The following GPR132 variants were observed in gnomAD, a reference collection of about 807,000 sequenced individuals.
The protein encoded by GPR132 is G protein-coupled receptor 132.
In GPR132, 4 loss-of-function variants were observed where a neutral mutation model predicts 1.9. The ratio of observed to expected loss-of-function variants is 2.13; its 90% CI spans 1.05 to 4.87. GPR132 has a LOEUF of 4.87. GPR132 is among the 30% of genes most tolerant of loss of function. GPR132 has a pLI of 0.01. For missense variants in GPR132, 404 were observed against 512.5 expected (o/e 0.79, Z 2.04); for synonymous variants, 233 against 234.2 (o/e 0.99, Z 0.05).
rs946760952 is a variant in GPR132 at position 105,060,320 on chromosome 14, G to A, written c.-860-3040C>T. 1.3e-5 allele frequency among the ~76,000 whole-genome samples: 2 copies of A among 152,206 alleles called. No individual in the cohort carries two copies. The highest frequency in any genetic ancestry group is 2.4e-5 in the African/African-American group (1 of 41,466). The stretch of plus-strand genomic sequence containing the variant: ...GGAAGCAGTGAGCCGGAACCAGGAG[G>A]GCCAAGGAAGGCAGACCCCCAGCCA... On this transcript the variant is annotated intron_variant, in intron 1 of 3. Coordinates refer to ENST00000329797, the MANE Select transcript of GPR132 (RefSeq NM_013345.4). This position sits in a 1 kb window ranked among gnomAD's most constrained non-coding sequence, Gnocchi z 6.3.
rs558574311 is a variant in GPR132 at position 105,056,327 on chromosome 14, A to G, written c.-746-161T>C. On this transcript the variant is annotated intron_variant, in intron 2 of 3. Coordinates refer to ENST00000329797, the MANE Select transcript of GPR132 (RefSeq NM_013345.4). This position sits in a 1 kb window ranked among gnomAD's most constrained non-coding sequence, Gnocchi z 6.0. Reference sequence around the variant, plus strand: ...TTTGCACTCACTGTTCTTCACCCAGATGGCTCTTTTCCCATCAAACGAGTG... The same window carrying G: ...TTTGCACTCACTGTTCTTCACCCAGGTGGCTCTTTTCCCATCAAACGAGTG... Among the ~76,000 whole-genome samples the G allele has an allele frequency of 6.6e-6, 1 of 152,186 alleles. No homozygotes were observed. The highest frequency in any genetic ancestry group is 1.9e-4 in the East Asian group (1 of 5,172).
chr14:105,060,936 C>A lies in GPR132; in HGVS notation c.-860-3656G>T, dbSNP rs1886925348. 6.6e-6 allele frequency among the ~76,000 whole-genome samples: 1 copy of A among 152,238 alleles called. No homozygotes were observed. The highest frequency in any genetic ancestry group is 2.1e-4 in the South Asian group (1 of 4,836). On this transcript the variant is annotated intron_variant, in intron 1 of 3. Transcript: ENST00000329797. This position sits in a 1 kb window ranked among gnomAD's most constrained non-coding sequence, Gnocchi z 6.3. The stretch of plus-strand genomic sequence containing the variant: ...CAGCGAGGCCCCTCTGGGATCCAGG[C>A]CTGTATGTTGAGAGCAGAGACTAGC...
In GPR132 at chr14:105,051,464, T is replaced by G. The variant is rs1372792405; in HGVS notation, c.673A>C (p.Ser225Arg). The part of the protein sequence containing the change: ...IAFTNHRIFR[S>R]IKQSMGLSAA... ...CTTAAGCCCATGCTCTGCTTGATGC[T>G]CCTGAAAATCCGGTGGTTGGTGAAG... is the stretch of plus-strand genomic sequence containing the variant. Residue 225 changes from serine (S) to arginine (R), a missense_variant, in exon 4 of 4, where the codon AGC (serine) becomes CGC (arginine). Ser to Arg is a moderately radical substitution (Grantham distance 110, BLOSUM62 -1). Transcript: ENST00000329797. The surrounding 1 kb of genome is among the most constrained non-coding windows in gnomAD (Gnocchi z 8.0). 6.2e-7 allele frequency: 1 copy of G among 1,614,034 alleles called. No individual in the cohort carries two copies. The highest frequency in any genetic ancestry group is 8.5e-7 in the Non-Finnish European group (1 of 1,180,018).
At chr14:105,054,565 G>C (rs1342884497) in intron 3 of GPR132, 1 of 236,762 alleles carries the variant, frequency 4.2e-6, no homozygotes, top group Non-Finnish European at 6.9e-6. Context: ...CGAGTAGCTG[G>C]GACTACAGGC....
At chr14:105,052,890 C>T (rs1886688822) in intron 3 of GPR132, among the ~76,000 whole-genome samples, 1 of 150,008 alleles carries the variant, frequency 6.7e-6, no homozygotes, top group African/African-American at 2.4e-5. Context: ...ACCCAGGAGG[C>T]GGAGGTTGCA....
intron 3 of GPR132, chr14:105,054,298 C>A (rs1886727603): frequency 9.4e-7 from 1 of 1,069,502 alleles, no homozygotes; most frequent in African/African-American, 1.7e-5. Flanking sequence ...AGGAACCTTC[C>A]ACATGCAAAT....
At position 105,060,119 on chromosome 14, in the gene GPR132, C is replaced by T. The variant is rs534270488; in HGVS notation, c.-860-2839G>A. On this transcript the variant is annotated intron_variant, in intron 1 of 3. Transcript: ENST00000329797. This position sits in a 1 kb window ranked among gnomAD's most constrained non-coding sequence, Gnocchi z 6.3. ...CCCCTGAGTGGAGATGGTGGGGCAG[C>T]GCTGAGGGTCTTCAGACTCTCCCTC... Among the ~76,000 whole-genome samples, 4 of 152,322 alleles carry T rather than the reference C, an allele frequency of 2.6e-5. No individual in the cohort carries two copies. The highest frequency in any genetic ancestry group is 7.2e-5 in the African/African-American group (3 of 41,584).
chr14:105,055,580 C>T lies in GPR132; in HGVS notation c.-160G>A. 1.5e-6 allele frequency: 1 copy of T among 686,646 alleles called. No homozygotes were observed. The highest frequency in any genetic ancestry group is 2.7e-6 in the Non-Finnish European group (1 of 371,152). The allele number at this position is 686,646 out of a possible 1,614,324, so 42.5% of individuals were successfully genotyped here. A position where few individuals can be genotyped will look rare whatever the true frequency, so the allele number is the denominator to read the frequency against. On this transcript the variant is annotated 5_prime_UTR_variant, in exon 3 of 4. Transcript: ENST00000329797. This position sits in a 1 kb window ranked among gnomAD's most constrained non-coding sequence, Gnocchi z 4.7. The stretch of plus-strand genomic sequence containing the variant: ...TGCGCTGGGCTCCCCTGTCACCTCC[C>T]CACGTGGGTGGGCATCTCTGCGTGT...
chr14:105,050,923 G>C lies in GPR132; in HGVS notation c.*71C>G. 7.2e-7 allele frequency: 1 copy of C among 1,394,522 alleles called. No homozygotes were observed. Among genetic ancestry groups the C allele is most frequent in the Non-Finnish European group, 1.0e-6 (1 of 1,002,428 alleles). 86.4% of individuals were successfully genotyped at this position (1,394,522 alleles called of 1,614,324 possible). ...GGGACATGGGCACTGTGGCTGGTGGGCTCAGTGCACAGGAACCACATTGCT... is the reference window on the plus strand; with the variant it reads ...GGGACATGGGCACTGTGGCTGGTGGCCTCAGTGCACAGGAACCACATTGCT... On this transcript the variant is annotated 3_prime_UTR_variant, in exon 4 of 4. Coordinates refer to ENST00000329797, the MANE Select transcript of GPR132 (RefSeq NM_013345.4). The surrounding 1 kb of genome is among the most constrained non-coding windows in gnomAD (Gnocchi z 4.0).
chr14:105,055,276 G>A lies in GPR132; in HGVS notation c.34+111C>T, dbSNP rs751206334. The A allele has an allele frequency of 1.7e-5, 13 of 760,002 alleles. No homozygotes were observed. Among genetic ancestry groups the A allele is most frequent in the Middle Eastern group, 2.3e-4 (1 of 4,396 alleles). The allele number at this position is 760,002 out of a possible 1,614,324, so 47.1% of individuals were successfully genotyped here. ...TGGGAGGCAGAAGCTGCAGTGAGCC[G>A]AGATTGTGCCACTGCACTCCAGCCT... On this transcript the variant is annotated intron_variant, in intron 3 of 3. Transcript: ENST00000329797. The surrounding 1 kb of genome is among the most constrained non-coding windows in gnomAD (Gnocchi z 4.7).
At chr14:105,054,469 A>T (rs1886734943) in intron 3 of GPR132, 1 of 914,076 alleles carries the variant, frequency 1.1e-6, no homozygotes, top group Non-Finnish European at 1.3e-6. Flanking sequence ...AACTGTGTTG[A>T]TGCCCAGGCT....
At position 105,051,824 on chromosome 14, in the gene GPR132, G is replaced by C; in HGVS notation, c.313C>G (p.Gln105Glu). Reference protein sequence around the residue: ...LPLWVIYIRNQHRWTLGLLAC... With the variant: ...LPLWVIYIRNEHRWTLGLLAC... ...AGCAGGCCTAGGGTCCAGCGGTGCT[G>C]GTTGCGGATATAGATGACCCAGAGT... is the stretch of plus-strand genomic sequence containing the variant. Residue 105 changes from glutamine to glutamate, a missense_variant, in exon 4 of 4, where the codon CAG becomes GAG. By Grantham distance (29) the Gln-to-Glu change is conservative. Coordinates refer to ENST00000329797, the MANE Select transcript of GPR132 (RefSeq NM_013345.4). This position sits in a 1 kb window ranked among gnomAD's most constrained non-coding sequence, Gnocchi z 8.0. The C allele has an allele frequency of 6.2e-7, 1 of 1,614,168 alleles. No homozygotes were observed. Among genetic ancestry groups the C allele is most frequent in the South Asian group, 1.1e-5 (1 of 91,090 alleles).
In GPR132 at chr14:105,055,361, C is replaced by A. The variant is rs1194036376; in HGVS notation, c.34+26G>T. The A allele has an allele frequency of 1.3e-6, 1 of 780,852 alleles. No homozygotes were observed. The highest frequency in any genetic ancestry group is 2.4e-5 in the East Asian group (1 of 41,252). 48.4% of individuals were successfully genotyped at this position (780,852 alleles called of 1,614,324 possible). A position where few individuals can be genotyped will look rare whatever the true frequency, so the allele number is the denominator to read the frequency against. On this transcript the variant is annotated intron_variant, in intron 3 of 3. Transcript: ENST00000329797. This position sits in a 1 kb window ranked among gnomAD's most constrained non-coding sequence, Gnocchi z 4.7. ...AAATTGAAAAAGTGGAAAATTGTGG[C>A]AAAATACACATAACAAGGAATTTAC...
rs1017196787 is a variant in GPR132, at chr14:105,051,025, G to A, written c.1112C>T (p.Pro371Leu). ...RPVHPPGSPC[P>L]AKRLIEESC ...GGACTCCTCAATCAGCCTCTTTGCAGGGCATGGTGACCCTGGTGGGTGCAC... is the reference window on the plus strand; with the variant it reads ...GGACTCCTCAATCAGCCTCTTTGCAAGGCATGGTGACCCTGGTGGGTGCAC... Residue 371 changes from proline to leucine, a missense_variant, in exon 4 of 4, where the codon CCT (proline) becomes CTT (leucine). Coordinates refer to ENST00000329797, the MANE Select transcript of GPR132 (RefSeq NM_013345.4). This position sits in a 1 kb window ranked among gnomAD's most constrained non-coding sequence, Gnocchi z 8.0. 2 of 1,613,674 alleles carry A rather than the reference G, an allele frequency of 1.2e-6. No homozygotes were observed. The highest frequency in any genetic ancestry group is 1.7e-6 in the Non-Finnish European group (2 of 1,179,618).
intron 1 of GPR132, among the ~76,000 whole-genome samples, chr14:105,061,569 G>A (rs1293676876): frequency 6.6e-6 from 1 of 152,182 alleles, no homozygotes; most frequent in African/African-American, 2.4e-5. Context: ...CACAGAAAGG[G>A]GCGTGGGGTA....
intron 1 of GPR132, among the ~76,000 whole-genome samples, chr14:105,063,618 C>G (rs577593589): frequency 4.6e-5 from 7 of 152,000 alleles, no homozygotes; most frequent in Non-Finnish European, 7.4e-5. Flanking sequence ...CTCAGGTGAT[C>G]CGCCCGCCTC....
chr14:105,061,349 C>G (rs150309344), intron 1 of GPR132, among the ~76,000 whole-genome samples: 1 of 152,244 alleles, frequency 6.6e-6, no homozygotes, highest in Admixed American at 6.5e-5. Flanking sequence ...GAGGGCCTTC[C>G]TGGACCAGGG....
chr14:105,052,313 A>G (rs1886672671), intron 3 of GPR132, among the ~76,000 whole-genome samples: 1 of 152,214 alleles, frequency 6.6e-6, no homozygotes, highest in Admixed American at 6.5e-5. Flanking sequence ...AGGCTGGGCA[A>G]TACTGAATCA....
chr14:105,057,511 C>CTTTTTTTTTTTTTTTTTTTT (rs11299805), intron 1 of GPR132: 18 of 88,530 alleles, frequency 2.0e-4, no homozygotes, highest in African/African-American at 3.0e-4. Context: ...ACATACGATT[C>CTTTTTTTTTTTTTTTTTTTT]TTTTTTTTTT....
Sources: allele counts gnomAD v4.1 joint callset (sites outside exome capture counted in the v4.1 genomes callset), GRCh38; gene constraint gnomAD v4.1.1; non-coding constraint Gnocchi (gnomAD v3.1); transcripts MANE v1.5; gene names NCBI Gene and HGNC (gene_info 2026-07-23, HGNC 2026-07-21).